Variants in SIDT1 observed in about 807,000 individuals in gnomAD.
SIDT1 encodes the protein SID1 transmembrane family, member 1.
SIDT1 carries 101 observed loss-of-function variants against 107.5 expected under a neutral mutation model. The observed-to-expected ratio is 0.94, with a 90% CI of 0.80 to 1.11. The LOEUF is 1.11. SIDT1 is among the 50% of genes least tolerant of loss of function. The pLI is 0.00. For missense variants in SIDT1, 1,076 were observed against 1,058.2 expected (o/e 1.02, Z -0.23); for synonymous variants, 395 against 398.2 (o/e 0.99, Z 0.10).
At chr3:113,614,452 A>G (rs1008563478) in intron 19 of SIDT1, among the ~76,000 whole-genome samples, 1 of 152,226 alleles carries the variant, frequency 6.6e-6, no homozygotes, top group Non-Finnish European at 1.5e-5. Flanking sequence ...CAGATGTACC[A>G]GAGTCAAAAG....
intron 1 of SIDT1, 84 bp from the exon 2 acceptor site, chr3:113,566,335 TG>T (rs1576786198): frequency 7.6e-7 from 1 of 1,307,214 alleles, no homozygotes; most frequent in East Asian, 2.4e-5. Flanking sequence ...TGTTTGTGTG[TG>T]TTTGTGTGTG....
chr3:113,614,598 A>G (rs1945977313), intron 19 of SIDT1, among the ~76,000 whole-genome samples: 1 of 152,160 alleles, frequency 6.6e-6, no homozygotes, highest in Non-Finnish European at 1.5e-5. Context: ...TTCTAATCAC[A>G]TGTCCTTTCT....
intron 11 of SIDT1, chr3:113,602,437 A>G (rs1193871755): frequency 6.6e-6 from 1 of 152,298 alleles, no homozygotes; most frequent in Non-Finnish European, 1.5e-5. Context: ...AGGTAAGCTC[A>G]GCTCATGTGC....
intron 4 of SIDT1, among the ~76,000 whole-genome samples, chr3:113,580,246 C>T (rs1943223724): frequency 6.6e-6 from 1 of 152,162 alleles, no homozygotes; most frequent in Non-Finnish European, 1.5e-5. Context: ...AGAAGTGAAT[C>T]TTATCACATG....
intron 1 of SIDT1, among the ~76,000 whole-genome samples, chr3:113,538,493 T>C (rs899382465): frequency 6.6e-6 from 1 of 152,240 alleles, no homozygotes; most frequent in Non-Finnish European, 1.5e-5. Flanking sequence ...TACCGGATAT[T>C]GAAGACCATA....
intron 8 of SIDT1, 25 bp downstream of exon 8, chr3:113,584,794 T>G (rs752532802): frequency 6.8e-7 from 1 of 1,467,358 alleles, no homozygotes; most frequent in East Asian, 2.3e-5. Flanking sequence ...CAGAATGCAT[T>G]GAAGAGATTC....
Position 113,603,102 on chromosome 3 carries a change from C to T in SIDT1, c.1215C>T (p.Phe405=), listed in dbSNP as rs201697824. The stretch of plus-strand genomic sequence containing the variant: ...ACAGCTCCGTGGAGGAGAGCGACTT[C>T]GACACCATGCCAGACATTGAGAGTG... ...DTDSSVEESD[F]DTMPDIESDK... The change falls in exon 12 of 25, where the codon TTC becomes TTT. Residue 405 remains phenylalanine, a synonymous_variant. Coordinates refer to ENST00000264852, the MANE Select transcript of SIDT1 (RefSeq NM_017699.3). The T allele has an allele frequency of 1.4e-4, 218 of 1,614,036 alleles. No individual in the cohort carries two copies. Among genetic ancestry groups the T allele is most frequent in the South Asian group, 5.5e-4 (50 of 91,070 alleles).
intron 1 of SIDT1, among the ~76,000 whole-genome samples, chr3:113,552,993 ACTTCGTGGG>A (rs1940442879): frequency 6.6e-6 from 1 of 152,136 alleles, no homozygotes; most frequent in Admixed American, 6.5e-5. Flanking sequence ...GTTAGAAACA[ACTTCGTGGG>A]CCCAGACATA....
chr3:113,585,247 T>G lies in SIDT1; in HGVS notation c.978T>G (p.Leu326=), dbSNP rs1469535016. Reference sequence around the variant, plus strand: ...TGTCCTTCTACTTGGGATGCCTTCTTGTTGGGTTTGTTCATTATCTGAGGT... The same window carrying G: ...TGTCCTTCTACTTGGGATGCCTTCTGGTTGGGTTTGTTCATTATCTGAGGT... The part of the protein sequence containing the change: ...IFLSFYLGCL[L]VGFVHYLRFQ... The change falls in exon 9 of 25, where the codon CTT becomes CTG. Residue 326 remains leucine (L), a synonymous_variant. Transcript: ENST00000264852. 6.2e-7 allele frequency: 1 copy of G among 1,613,088 alleles called. No homozygotes were observed. Among genetic ancestry groups the G allele is most frequent in the Non-Finnish European group, 8.5e-7 (1 of 1,179,112 alleles).
chr3:113,611,193 G>T (rs1945712509), intron 18 of SIDT1, 49 bp downstream of exon 18: 1 of 1,590,694 alleles, frequency 6.3e-7, no homozygotes, highest in Non-Finnish European at 8.6e-7. Context: ...TGCCCCCCTA[G>T]GTCCAATAAA....
rs1268516642 is a variant in SIDT1 at position 113,604,039 on chromosome 3, T to C, written c.1337+6T>C. 2 of 1,563,558 alleles carry C rather than the reference T, an allele frequency of 1.3e-6. No homozygotes were observed. The highest frequency in any genetic ancestry group is 1.7e-6 in the Non-Finnish European group (2 of 1,147,878). ...AAATATAAAATTTATTTTTGGTAAGTAGATGACCAGTAGGACCATGGTTCC... is the reference window on the plus strand; with the variant it reads ...AAATATAAAATTTATTTTTGGTAAGCAGATGACCAGTAGGACCATGGTTCC... On this transcript the variant is annotated splice_donor_region_variant and intron_variant, in intron 13 of 24. Transcript: ENST00000264852.
At chr3:113,594,645 G>A (rs938694662) in intron 10 of SIDT1, among the ~76,000 whole-genome samples, 1 of 152,154 alleles carries the variant, frequency 6.6e-6, no homozygotes. Context: ...CATTGTCCAG[G>A]TTCAGGGAGG....
chr3:113,573,876 G>A (rs1410353087), intron 3 of SIDT1, among the ~76,000 whole-genome samples: 1 of 152,208 alleles, frequency 6.6e-6, no homozygotes, highest in Non-Finnish European at 1.5e-5. Context: ...ATAGCTGCCT[G>A]AATAGGCTAA....
intron 1 of SIDT1, among the ~76,000 whole-genome samples, chr3:113,542,934 G>GTT (rs1560009540): frequency 8.9e-4 from 126 of 141,578 alleles, no homozygotes; most frequent in African/African-American, 3.1e-3. Context: ...GTGTGTGTGT[G>GTT]TGTGTTTGTT....
rs1228990481 is a variant in SIDT1, at chr3:113,585,214, C to T, written c.945C>T (p.Phe315=). ...TGAAATCCAGTCTTTTCAGTGTCTT[C>T]ATCTTCCTGTCCTTCTACTTGGGAT... The part of the protein sequence containing the change: ...VYVKSSLFSV[F]IFLSFYLGCL... The change falls in exon 9 of 25, where the codon TTC becomes TTT. Residue 315 remains phenylalanine, a synonymous_variant. Transcript: ENST00000264852. 1 of 1,613,706 alleles carries T rather than the reference C, an allele frequency of 6.2e-7. No homozygotes were observed. The highest frequency in any genetic ancestry group is 1.7e-5 in the Admixed American group (1 of 60,006).
chr3:113,552,953 T>G (rs2107667578), intron 1 of SIDT1, among the ~76,000 whole-genome samples: 1 of 152,148 alleles, frequency 6.6e-6, no homozygotes, highest in Admixed American at 6.6e-5. Context: ...ACCAAACATC[T>G]TCATGGAGGG....
At chr3:113,546,799 A>G (rs537570744) in intron 1 of SIDT1, among the ~76,000 whole-genome samples, 3 of 152,302 alleles carry the variant, frequency 2.0e-5, no homozygotes, top group Non-Finnish European at 2.9e-5. Flanking sequence ...TTCTTTTCAA[A>G]TAGAAATAAC....
At position 113,541,917 on chromosome 3, in the gene SIDT1, TTTTC is replaced by T. The variant is rs1329884991; in HGVS notation, c.222+8682_222+8685del. ...CTTTATCTAGTAGGTCAATTTTTCT[TTTTC>T]TTTCTTTTTTTTTTTTTTTTTAGAT... On this transcript the variant is annotated intron_variant, in intron 1 of 24. Coordinates refer to ENST00000264852, the MANE Select transcript of SIDT1 (RefSeq NM_017699.3). Among the ~76,000 whole-genome samples the T allele has an allele frequency of 2.1e-5, 3 of 145,664 alleles. No homozygotes were observed. In the East Asian group the frequency reaches 6.0e-4, roughly 29 times the overall value.
chr3:113,577,602 T>G (rs868134623), intron 4 of SIDT1, among the ~76,000 whole-genome samples: 1 of 152,182 alleles, frequency 6.6e-6, no homozygotes, highest in African/African-American at 2.4e-5. Context: ...AGTCAGGCTG[T>G]TTTTCTGGTG....
Sources: gnomAD v4.1 joint callset for allele counts (sites outside exome capture counted in the v4.1 genomes callset) on GRCh38, gnomAD v4.1.1 for gene constraint, MANE v1.5 for transcripts, NCBI Gene and HGNC (gene_info 2026-07-23, HGNC 2026-07-21) for gene names.